The following UHRF2 variants were observed in gnomAD, a reference collection of about 807,000 sequenced individuals.
UHRF2 encodes the protein ubiquitin like with PHD and ring finger domains 2.
In UHRF2, 23 loss-of-function variants were observed where a neutral mutation model predicts 96.8. The observed-to-expected ratio is 0.24, with a 90% CI of 0.17 to 0.34. UHRF2 has a LOEUF of 0.34. UHRF2 is among the 10% of genes least tolerant of loss of function. The pLI is 1.00. For synonymous variants in UHRF2, 385 were observed against 332.6 expected (o/e 1.16, Z -1.72); for missense variants, 685 against 981.5 (o/e 0.70, Z 4.04).
chr9:6,473,429 A>C (rs1341920429), intron 4 of UHRF2, among the ~76,000 whole-genome samples: 1 of 152,192 alleles, frequency 6.6e-6, no homozygotes, highest in Non-Finnish European at 1.5e-5. Flanking sequence ...TTCTCTGTAA[A>C]ATTGTGCCAA....
chr9:6,492,181 G>C, intron 9 of UHRF2: 1 of 268,842 alleles, frequency 3.7e-6, no homozygotes, highest in Non-Finnish European at 7.1e-6. Context: ...ATGTTTCCTT[G>C]ATTTGCTGCT....
At chr9:6,435,089 G>A (rs1472365523) in intron 3 of UHRF2, among the ~76,000 whole-genome samples, 2 of 151,720 alleles carry the variant, frequency 1.3e-5, no homozygotes, top group Non-Finnish European at 2.9e-5. Context: ...ACCTCCCCAG[G>A]TTCAAGCTAG....
intron 2 of UHRF2, among the ~76,000 whole-genome samples, chr9:6,431,215 A>T (rs1820546373): frequency 6.6e-6 from 1 of 152,190 alleles, no homozygotes; most frequent in African/African-American, 2.4e-5. Flanking sequence ...AAAGTTTTGA[A>T]TTTAAGAGCA....
At chr9:6,458,467 T>G (rs1039175815) in intron 3 of UHRF2, among the ~76,000 whole-genome samples, 7 of 151,978 alleles carry the variant, frequency 4.6e-5, no homozygotes, top group Non-Finnish European at 8.8e-5. Flanking sequence ...TTTTTTTTTT[T>G]GAAGGGTTTT....
intron 8 of UHRF2, among the ~76,000 whole-genome samples, chr9:6,486,392 C>G (rs140812543): frequency 6.6e-6 from 1 of 152,176 alleles, no homozygotes; most frequent in African/African-American, 2.4e-5. Context: ...AAAATAACTC[C>G]TGCATTTTTG....
rs1440565885 is a variant in UHRF2, at chr9:6,420,901, T to G, written c.154-11T>G. 1 of 1,596,574 alleles carries G rather than the reference T, an allele frequency of 6.3e-7. No individual in the cohort carries two copies. Among genetic ancestry groups the G allele is most frequent in the Non-Finnish European group, 8.6e-7 (1 of 1,164,150 alleles). The stretch of plus-strand genomic sequence containing the variant: ...AGAGAAGCATTTCACTATTCTTTCT[T>G]TATTTTCTAGTTGGAAAATGGATAT... On this transcript the variant is annotated splice_polypyrimidine_tract_variant and intron_variant, in intron 1 of 15. Coordinates refer to ENST00000276893, the MANE Select transcript of UHRF2 (RefSeq NM_152896.3).
At position 6,413,699 on chromosome 9, in the gene UHRF2, C is replaced by T. The variant is rs562483940; in HGVS notation, c.153+56C>T. 34 of 1,451,502 alleles carry T rather than the reference C, an allele frequency of 2.3e-5. No individual in the cohort carries two copies. The East Asian group carries it at 5.4e-4, about 23-fold the overall frequency. 89.9% of individuals were successfully genotyped at this position (1,451,502 alleles called of 1,614,324 possible). A position where few individuals can be genotyped will look rare whatever the true frequency, so the allele number is the denominator to read the frequency against. ...GCTGGGGGCCGGAACAGCTGGGCTC[C>T]TCTGGACGCACCGGTCCGAGGGCTC... On this transcript the variant is annotated intron_variant, in intron 1 of 15. Transcript: ENST00000276893.
intron 3 of UHRF2, among the ~76,000 whole-genome samples, chr9:6,450,146 A>T (rs1411716153): frequency 6.6e-6 from 1 of 152,162 alleles, no homozygotes; most frequent in Non-Finnish European, 1.5e-5. Context: ...TGTCACATAA[A>T]ATTCCCAATG....
intron 4 of UHRF2, among the ~76,000 whole-genome samples, chr9:6,473,462 G>A (rs1023936562): frequency 7.2e-5 from 11 of 152,202 alleles, no homozygotes; most frequent in African/African-American, 2.7e-4. Flanking sequence ...AGAAAGGAAT[G>A]ATAGAATGGG....
At chr9:6,448,559 T>C (rs1821659891) in intron 3 of UHRF2, among the ~76,000 whole-genome samples, 1 of 152,226 alleles carries the variant, frequency 6.6e-6, no homozygotes, top group Admixed American at 6.5e-5. Context: ...CAGACTGTCC[T>C]AAGGGTTGTT....
chr9:6,413,766 TG>T (rs1177733282), intron 1 of UHRF2, 123 bp downstream of exon 1: 2 of 1,224,760 alleles, frequency 1.6e-6, no homozygotes, highest in Non-Finnish European at 2.1e-6. Flanking sequence ...CCGCTGCGGG[TG>T]GGCAGCCCCC....
intron 3 of UHRF2, among the ~76,000 whole-genome samples, chr9:6,448,014 C>G (rs909183664): frequency 8.5e-5 from 13 of 152,160 alleles, no homozygotes; most frequent in Non-Finnish European, 1.8e-4. Context: ...AAGACATGCT[C>G]TCCAGGAAAT....
intron 13 of UHRF2, 134 bp downstream of exon 13, chr9:6,500,065 T>C (rs886473253): frequency 1.7e-5 from 11 of 638,880 alleles, no homozygotes; most frequent in Non-Finnish European, 3.0e-5. Context: ...CTTGACCTCC[T>C]GGGCTCAAGC....
At chr9:6,457,325 T>C (rs1440765722) in intron 3 of UHRF2, among the ~76,000 whole-genome samples, 1 of 152,208 alleles carries the variant, frequency 6.6e-6, no homozygotes, top group East Asian at 1.9e-4. Flanking sequence ...TATTGGTGTA[T>C]AAGAATGCTT....
At chr9:6,471,189 A>G (rs2130879768) in intron 4 of UHRF2, among the ~76,000 whole-genome samples, 1 of 152,350 alleles carries the variant, frequency 6.6e-6, no homozygotes, top group East Asian at 1.9e-4. Context: ...CTACAATGAA[A>G]CAGGGTGGTA....
At chr9:6,468,163 T>G (rs1248399910) in intron 4 of UHRF2, among the ~76,000 whole-genome samples, 2 of 152,224 alleles carry the variant, frequency 1.3e-5, no homozygotes, top group Non-Finnish European at 2.9e-5. Context: ...AAATAGGATA[T>G]TTCTTGGGGA....
intron 9 of UHRF2, among the ~76,000 whole-genome samples, chr9:6,487,246 G>A (rs1484325864): frequency 7.6e-6 from 1 of 131,036 alleles, no homozygotes; most frequent in Non-Finnish European, 1.5e-5. Flanking sequence ...CTGGAGTGCA[G>A]TGGTGTGATC....
chr9:6,482,515 A>C (rs562363224), intron 8 of UHRF2, among the ~76,000 whole-genome samples: 2 of 152,228 alleles, frequency 1.3e-5, no homozygotes, highest in South Asian at 4.2e-4. Context: ...TGGGCAGAGG[A>C]AGTGCCAGCT....
Position 6,413,657 on chromosome 9 carries a change from G to T in UHRF2, c.153+14G>T. ...CGGGGCAAGCAGGTGAGGCGCGCCCGCCGCGCCCCTAGCGAGGCTGGGGGC... is the reference window on the plus strand; with the variant it reads ...CGGGGCAAGCAGGTGAGGCGCGCCCTCCGCGCCCCTAGCGAGGCTGGGGGC... On this transcript the variant is annotated intron_variant, in intron 1 of 15. Transcript: ENST00000276893. The T allele has an allele frequency of 6.4e-7, 1 of 1,563,846 alleles. No individual in the cohort carries two copies. The highest frequency in any genetic ancestry group is 8.6e-7 in the Non-Finnish European group (1 of 1,158,324).
Sources: allele counts gnomAD v4.1 joint callset (sites outside exome capture counted in the v4.1 genomes callset), GRCh38; gene constraint gnomAD v4.1.1; transcripts MANE v1.5; gene names NCBI Gene and HGNC (gene_info 2026-07-23, HGNC 2026-07-21).